Variants in TRMT11 observed in about 807,000 individuals in gnomAD.
TRMT11 encodes the protein tRNA methyltransferase 11, also known as tRNA (guanine(10)-N(2))-methyltransferase TRMT11.
Under a neutral mutation model 62.8 loss-of-function variants are expected in TRMT11, and 53 were observed. That is an observed-to-expected ratio of 0.84 (90% CI 0.68 to 1.06). The LOEUF is 1.06. Ranked by LOEUF, TRMT11 falls within the 50% of genes least tolerant of loss-of-function variation. The pLI, the probability that TRMT11 is intolerant of heterozygous loss-of-function variation, is 0.00. For synonymous variants in TRMT11, 188 were observed against 190.3 expected, an observed-to-expected ratio of 0.99 and a Z score of 0.10; for missense variants, 556 against 553.4, an observed-to-expected ratio of 1.00 and a Z score of -0.05.
intron 1 of TRMT11, among the ~76,000 whole-genome samples, chr6:126,183,090 A>G (rs1778485604): frequency 6.6e-6 from 1 of 152,154 alleles, no homozygotes; most frequent in Admixed American, 6.5e-5. Flanking sequence ...AGACTGATTG[A>G]TGACATTTCC....
At chr6:126,093,000 G>A (rs1210796078) in intron 17 of TRMT11, among the ~76,000 whole-genome samples, 9 of 152,086 alleles carry the variant, frequency 5.9e-5, no homozygotes, top group Admixed American at 4.6e-4. Flanking sequence ...CTTAAGTGCT[G>A]GAATTTGTGG....
At chr6:126,267,865 C>T in the TRMT11 span, among the ~76,000 whole-genome samples, 1 of 152,290 alleles carries the variant, frequency 6.6e-6, no homozygotes, top group African/African-American at 2.4e-5. Flanking sequence ...GGTTTCCTGA[C>T]TGGCCCCAGG....
At chr6:126,221,901 A>G in the TRMT11 span, among the ~76,000 whole-genome samples, 1 of 152,174 alleles carries the variant, frequency 6.6e-6, no homozygotes, top group Non-Finnish European at 1.5e-5. Context: ...TATGTCCACA[A>G]TGGTATTTCC....
upstream of TRMT11, among the ~76,000 whole-genome samples, chr6:126,173,075 C>G (rs975566072): frequency 1.3e-5 from 2 of 152,110 alleles, no homozygotes; most frequent in Non-Finnish European, 2.9e-5. Context: ...TTCGGAGCAC[C>G]TACTGTGTGC....
chr6:126,057,039 C>T (rs1374536942), intron 17 of TRMT11, among the ~76,000 whole-genome samples: 2 of 152,160 alleles, frequency 1.3e-5, no homozygotes, highest in Non-Finnish European at 2.9e-5. Context: ...GAACCCTAAG[C>T]CTATGCCTTT....
chr6:126,002,394 C>T (rs1370981502), intron 7 of TRMT11, among the ~76,000 whole-genome samples: 1 of 152,086 alleles, frequency 6.6e-6, no homozygotes, highest in Non-Finnish European at 1.5e-5. Flanking sequence ...AGTGAGAACC[C>T]TGATTCCTAG....
chr6:126,265,383 A>G, the TRMT11 span, among the ~76,000 whole-genome samples: 1 of 152,164 alleles, frequency 6.6e-6, no homozygotes, highest in African/African-American at 2.4e-5. Flanking sequence ...AAATTATCCC[A>G]AAGTTTTGGT....
rs750146075 is a variant in TRMT11 at position 126,038,691 on chromosome 6, T to A, written c.1261-14T>A. ...AGAAATAATTTTTACATTTTGTATT[T>A]TCCAACCAAACAGAATCGGGACCAG... On this transcript the variant is annotated splice_polypyrimidine_tract_variant and intron_variant, in intron 12 of 12. Transcript: ENST00000334379. 3.2e-6 allele frequency: 5 copies of A among 1,543,216 alleles called. No homozygotes were observed. In the East Asian group the frequency reaches 9.5e-5, roughly 29 times the overall value.
At chr6:126,134,487 C>T (rs1777827651) in intron 21 of TRMT11, among the ~76,000 whole-genome samples, 1 of 151,760 alleles carries the variant, frequency 6.6e-6, no homozygotes, top group Non-Finnish European at 1.5e-5. Context: ...CTGAAGCACT[C>T]ATATATATAA....
intron 21 of TRMT11, among the ~76,000 whole-genome samples, chr6:126,149,930 T>A (rs1778018824): frequency 6.6e-6 from 1 of 152,218 alleles, no homozygotes; most frequent in South Asian, 2.1e-4. Flanking sequence ...TAGTTTTCAC[T>A]TGGATGCTTT....
chr6:126,160,969 G>C (rs1470848090), intron 21 of TRMT11, among the ~76,000 whole-genome samples: 3 of 152,152 alleles, frequency 2.0e-5, no homozygotes, highest in Non-Finnish European at 4.4e-5. Flanking sequence ...AGAAAGTTTA[G>C]AAATCGAAGT....
intron 21 of TRMT11, among the ~76,000 whole-genome samples, chr6:126,122,830 T>G (rs1206062101): frequency 6.6e-6 from 1 of 152,166 alleles, no homozygotes; most frequent in East Asian, 1.9e-4. Context: ...ATCAGTCTGC[T>G]TCATATCAGT....
the TRMT11 span, among the ~76,000 whole-genome samples, chr6:126,251,039 T>C: frequency 1.3e-5 from 2 of 151,748 alleles, no homozygotes; most frequent in Non-Finnish European, 2.9e-5. Context: ...TTCAATTTTT[T>C]TTTTTTTCCA....
At chr6:126,115,309 A>G (rs908385464) in intron 19 of TRMT11, among the ~76,000 whole-genome samples, 1 of 152,106 alleles carries the variant, frequency 6.6e-6, no homozygotes, top group African/African-American at 2.4e-5. Flanking sequence ...CCTGTACGTT[A>G]TAAACACTTG....
intron 17 of TRMT11, among the ~76,000 whole-genome samples, chr6:126,097,837 G>A (rs990604662): frequency 6.6e-6 from 1 of 152,002 alleles, no homozygotes; most frequent in African/African-American, 2.4e-5. Flanking sequence ...GGGTTGTGGG[G>A]AGTAGGAAGA....
intron 1 of TRMT11, among the ~76,000 whole-genome samples, chr6:126,198,004 T>A (rs1778686121): frequency 6.6e-6 from 1 of 152,156 alleles, no homozygotes; most frequent in African/African-American, 2.4e-5. Flanking sequence ...TCCTTATCAG[T>A]CAACTTGATC....
chr6:126,145,919 G>T (rs1248392555), intron 21 of TRMT11, among the ~76,000 whole-genome samples: 3 of 152,054 alleles, frequency 2.0e-5, no homozygotes, highest in Non-Finnish European at 4.4e-5. Context: ...TAAATCTCCA[G>T]GTGGACCAAA....
chr6:126,251,599 A>G, the TRMT11 span, among the ~76,000 whole-genome samples: 1 of 152,120 alleles, frequency 6.6e-6, no homozygotes, highest in Non-Finnish European at 1.5e-5. Context: ...GAGATTTTAT[A>G]TCCTTTGACC....
intron 17 of TRMT11, among the ~76,000 whole-genome samples, chr6:126,073,836 TCA>T (rs1471313797): frequency 6.6e-6 from 1 of 152,152 alleles, no homozygotes; most frequent in Non-Finnish European, 1.5e-5. Flanking sequence ...TTTAGTTGAC[TCA>T]CAGTTCAGCA....
Sources: gnomAD v4.1 joint callset for allele counts (sites outside exome capture counted in the v4.1 genomes callset) on GRCh38, gnomAD v4.1.1 for gene constraint, MANE v1.5 for transcripts, NCBI Gene and HGNC (gene_info 2026-07-23, HGNC 2026-07-21) for gene names.